C10orf67: variants seen among roughly 807,000 people sequenced by gnomAD.
C10orf67 encodes the protein uncharacterized protein C10orf67, mitochondrial.
A neutral mutation model predicts 35.6 loss-of-function variants in C10orf67; 60 were observed. The ratio of observed to expected loss-of-function variants is 1.68; its 90% CI spans 1.37 to 2.09. C10orf67 has a LOEUF of 2.09. C10orf67 is among the 30% of genes most tolerant of loss of function. C10orf67 has a pLI of 0.00. For missense variants in C10orf67, 474 were observed against 330.2 expected (o/e 1.44, Z -3.38); for synonymous variants, 167 against 115.8 (o/e 1.44, Z -2.84).
chr10:23,314,449 C>T (rs770017371), intron 4 of C10orf67, among the ~76,000 whole-genome samples: 4 of 150,438 alleles, frequency 2.7e-5, no homozygotes, highest in South Asian at 2.1e-4. Context: ...TAGTGAGACT[C>T]GTCTCTAATG....
rs571847542 is a variant in C10orf67, at chr10:23,250,040, G to A, written c.1346+415C>T. On this transcript the variant is annotated intron_variant, in intron 12 of 15. Coordinates refer to ENST00000636213, the MANE Select transcript of C10orf67 (RefSeq NM_001371909.1). ...TGTGAGTGAAAAATAGATTTGAGAG[G>A]TTGAGGAACTGGAGCTGTTGTGTCT... Among the ~76,000 whole-genome samples, 15 of 152,274 alleles carry A rather than the reference G, an allele frequency of 9.9e-5. No individual in the cohort carries two copies. The South Asian group carries it at 3.1e-3, about 32-fold the overall frequency.
intron 15 of C10orf67, among the ~76,000 whole-genome samples, chr10:23,209,052 A>G (rs890870819): frequency 6.6e-6 from 1 of 152,056 alleles, no homozygotes; most frequent in African/African-American, 2.4e-5. Context: ...GTGTACAGGC[A>G]CAGGTGCTTG....
chr10:23,283,219 A>G (rs1350465057), intron 7 of C10orf67, among the ~76,000 whole-genome samples: 2 of 152,150 alleles, frequency 1.3e-5, no homozygotes, highest in African/African-American at 4.8e-5. Context: ...ATTAAAAATG[A>G]AAAAACAAAC....
chr10:23,244,102 G>T (rs1842254013), intron 12 of C10orf67, among the ~76,000 whole-genome samples: 1 of 152,024 alleles, frequency 6.6e-6, no homozygotes, highest in South Asian at 2.1e-4. Flanking sequence ...TGTTGCCCAG[G>T]CTGGTCTCAA....
intron 10 of C10orf67, among the ~76,000 whole-genome samples, chr10:23,263,204 G>T (rs1226080306): frequency 6.6e-6 from 1 of 152,158 alleles, no homozygotes; most frequent in Non-Finnish European, 1.5e-5. Context: ...AAAAAGAATG[G>T]AATAATGAAA....
intron 10 of C10orf67, among the ~76,000 whole-genome samples, chr10:23,251,830 C>T (rs993806403): frequency 6.6e-6 from 1 of 152,120 alleles, no homozygotes; most frequent in African/African-American, 2.4e-5. Flanking sequence ...AAGGTAAATA[C>T]AAATTTTCAA....
intron 15 of C10orf67, among the ~76,000 whole-genome samples, chr10:23,221,101 T>A (rs1029865664): frequency 6.6e-6 from 1 of 152,150 alleles, no homozygotes; most frequent in African/African-American, 2.4e-5. Context: ...GGCTAATTCA[T>A]GGAGAAAAGA....
chr10:23,287,773 A>G (rs182507421), intron 7 of C10orf67, among the ~76,000 whole-genome samples: 265 of 152,334 alleles, frequency 1.7e-3, no homozygotes, highest in African/African-American at 6.2e-3. Context: ...CAAATTTACA[A>G]GAAAAAAACA....
At chr10:23,246,925 G>A (rs1360525449) in intron 12 of C10orf67, among the ~76,000 whole-genome samples, 2 of 152,062 alleles carry the variant, frequency 1.3e-5, no homozygotes, top group Non-Finnish European at 2.9e-5. Context: ...CTGGGCTCAA[G>A]CGATCCTCCC....
At chr10:23,300,423 T>C (rs776830513) in intron 5 of C10orf67, among the ~76,000 whole-genome samples, 3 of 152,190 alleles carry the variant, frequency 2.0e-5, no homozygotes, top group Non-Finnish European at 4.4e-5. Flanking sequence ...TCCTGATCTC[T>C]ATTATAAAAA....
chr10:23,293,376 C>T (rs1027712076), intron 5 of C10orf67, among the ~76,000 whole-genome samples: 1 of 152,208 alleles, frequency 6.6e-6, no homozygotes, highest in Non-Finnish European at 1.5e-5. Context: ...CAGACGCCCA[C>T]AGCAATGAGG....
chr10:23,246,341 C>T (rs537856017), intron 12 of C10orf67, among the ~76,000 whole-genome samples: 105 of 152,132 alleles, frequency 6.9e-4, no homozygotes, highest in African/African-American at 2.5e-3. Flanking sequence ...CACATATCCC[C>T]TGACCTAAAA....
At chr10:23,299,977 C>CA (rs535795751) in intron 5 of C10orf67, among the ~76,000 whole-genome samples, 5,600 of 123,302 alleles carry the variant, frequency 0.045, 193 homozygotes, top group Middle Eastern at 0.1. Flanking sequence ...GACTCTGTCT[C>CA]AAAAAAAAAA....
chr10:23,334,950 A>G (rs1396198629), intron 1 of C10orf67, among the ~76,000 whole-genome samples: 6 of 152,226 alleles, frequency 3.9e-5, no homozygotes, highest in Admixed American at 6.5e-5. Context: ...GCACTTCGGG[A>G]GGCCAAGGCA....
intron 7 of C10orf67, among the ~76,000 whole-genome samples, chr10:23,289,045 C>T (rs1480643363): frequency 1.3e-5 from 2 of 152,060 alleles, no homozygotes; most frequent in African/African-American, 2.4e-5. Flanking sequence ...GGGAAGTTTG[C>T]GGATAAATGA....
At chr10:23,302,677 T>C (rs1429929440) in intron 5 of C10orf67, among the ~76,000 whole-genome samples, 2 of 152,140 alleles carry the variant, frequency 1.3e-5, no homozygotes, top group African/African-American at 4.8e-5. Flanking sequence ...TGACAATGAA[T>C]TCGTTCTCAG....
Position 23,282,047 on chromosome 10 carries a change from T to A in C10orf67, c.941A>T (p.Glu314Val), listed in dbSNP as rs1187778931. ...LMDSRDRLRE[E>V]LHYEKSLVQD... ...AACTAATGATTTTTCATAATGAAGC[T>A]CTTCTCTTAATCTGTCTCTACTATC... Residue 314 changes from glutamate (E) to valine (V), a missense_variant, in exon 8 of 16, where the codon GAG (glutamate) becomes GTG (valine). Transcript: ENST00000636213. 3.2e-6 allele frequency: 2 copies of A among 630,940 alleles called. No individual in the cohort carries two copies. The highest frequency in any genetic ancestry group is 5.8e-6 in the Non-Finnish European group (2 of 347,570). The allele number at this position is 630,940 out of a possible 1,614,324, so 39.1% of individuals were successfully genotyped here.
intron 10 of C10orf67, among the ~76,000 whole-genome samples, chr10:23,252,596 G>C (rs1178137514): frequency 6.6e-6 from 1 of 152,168 alleles, no homozygotes; most frequent in Non-Finnish European, 1.5e-5. Context: ...TTACAAAAGA[G>C]GTGAAATTTA....
chr10:23,318,959 A>C, intron 4 of C10orf67: 1 of 759,900 alleles, frequency 1.3e-6, no homozygotes, highest in Non-Finnish European at 2.5e-6. Flanking sequence ...ATAAAATGTC[A>C]AGCAAAGAAA....
Sources: gnomAD v4.1 joint callset for allele counts (sites outside exome capture counted in the v4.1 genomes callset) on GRCh38, gnomAD v4.1.1 for gene constraint, MANE v1.5 for transcripts, NCBI Gene and HGNC (gene_info 2026-07-23, HGNC 2026-07-21) for gene names.